The following AUTS2 variants were observed in gnomAD, a reference collection of about 807,000 sequenced individuals.
The protein encoded by AUTS2 is autism susceptibility gene 2 protein.
AUTS2 carries 17 observed loss-of-function variants against 112.4 expected under a neutral mutation model. The ratio of observed to expected loss-of-function variants is 0.15; its 90% confidence interval spans 0.10 to 0.23. The LOEUF (loss-of-function observed/expected upper bound fraction) is 0.23, where lower values mean the gene tolerates loss of function less well. AUTS2 is among the 10% of genes least tolerant of loss of function. The probability of loss-of-function intolerance (pLI) is 1.00; values close to 1 mark genes in which losing one functional copy is unlikely to be tolerated. For missense variants in AUTS2, 1,510 were observed against 1,701.6 expected (o/e 0.89, Z 1.98); for synonymous variants, 751 against 702.7 (o/e 1.07, Z -1.09).
rs147206848 is a variant in AUTS2 at position 69,787,548 on chromosome 7, T to C, written c.310-111738T>C. Among the ~76,000 whole-genome samples the C allele has an allele frequency of 2.0e-5, 3 of 152,232 alleles. No individual in the cohort carries two copies. In the East Asian group the frequency reaches 5.8e-4, roughly 29 times the overall value. On this transcript the variant is annotated intron_variant, in intron 1 of 18. Coordinates refer to ENST00000342771, the MANE Select transcript of AUTS2 (RefSeq NM_015570.4). ...TAACCTTCACTAGCATTTATTATAG[T>C]AGTTATTTTATTTTATTTTGACACA...
intron 1 of AUTS2, among the ~76,000 whole-genome samples, chr7:69,716,886 G>A (rs1161894555): frequency 6.6e-6 from 1 of 152,146 alleles, no homozygotes; most frequent in Non-Finnish European, 1.5e-5. Flanking sequence ...ATACAGATAT[G>A]AACAGCCAAA....
chr7:70,002,706 T>C (rs1799254090), intron 2 of AUTS2, among the ~76,000 whole-genome samples: 1 of 152,178 alleles, frequency 6.6e-6, no homozygotes, highest in Non-Finnish European at 1.5e-5. Flanking sequence ...AAGCTAATGG[T>C]ATTTTCAAGT....
At chr7:70,393,921 TTTC>T (rs908615881) in intron 4 of AUTS2, among the ~76,000 whole-genome samples, 1 of 152,162 alleles carries the variant, frequency 6.6e-6, no homozygotes, top group Non-Finnish European at 1.5e-5. Flanking sequence ...CATGAAGCAT[TTTC>T]TTCTTTCACC....
intron 1 of AUTS2, among the ~76,000 whole-genome samples, chr7:69,884,498 C>T (rs1183264063): frequency 6.6e-6 from 1 of 152,130 alleles, no homozygotes; most frequent in Non-Finnish European, 1.5e-5. Context: ...CTCTGGTTAC[C>T]CTGTAATCAT....
At position 70,777,241 on chromosome 7, in the gene AUTS2, GAAC is replaced by G. The variant is rs757712930; in HGVS notation, c.2004+68_2004+70del. ...ATGTGAGTGTGTGACGTGCTCGGGA[GAAC>G]CTGATGAAGGAGGCATTTAAAACAC... is the stretch of plus-strand genomic sequence containing the variant. On this transcript the variant is annotated intron_variant, in intron 14 of 18. Coordinates refer to ENST00000342771, the MANE Select transcript of AUTS2 (RefSeq NM_015570.4). 5 of 1,410,440 alleles carry G rather than the reference GAAC, an allele frequency of 3.5e-6. No individual in the cohort carries two copies. In the Admixed American group the frequency reaches 8.4e-5, roughly 24 times the overall value. 87.4% of individuals were successfully genotyped at this position (1,410,440 alleles called of 1,614,324 possible).
chr7:70,570,169 G>A (rs920835267), intron 5 of AUTS2, among the ~76,000 whole-genome samples: 1 of 152,168 alleles, frequency 6.6e-6, no homozygotes, highest in African/African-American at 2.4e-5. Flanking sequence ...AGTAGGTTAG[G>A]CAGGTCTGGC....
intron 5 of AUTS2, among the ~76,000 whole-genome samples, chr7:70,641,419 G>A (rs1432562528): frequency 6.6e-6 from 1 of 152,132 alleles, no homozygotes; most frequent in Non-Finnish European, 1.5e-5. Context: ...GGGCATGGCG[G>A]TCAGCACCTG....
chr7:70,203,860 T>C (rs1810431589), intron 4 of AUTS2, among the ~76,000 whole-genome samples: 1 of 151,810 alleles, frequency 6.6e-6, no homozygotes, highest in Admixed American at 6.6e-5. Flanking sequence ...AAGTTATTTC[T>C]GAACTAATGT....
At chr7:70,165,571 C>T (rs983144435) in intron 4 of AUTS2, among the ~76,000 whole-genome samples, 4 of 151,998 alleles carry the variant, frequency 2.6e-5, no homozygotes, top group Non-Finnish European at 5.9e-5. Flanking sequence ...TATTGCAAAA[C>T]GGAAAGTAAA....
rs770887016 is a variant in AUTS2, at chr7:69,839,105, T to TA, written c.310-60180dup. 3.9e-3 allele frequency among the ~76,000 whole-genome samples: 598 copies of TA among 152,284 alleles called. 4 individuals are homozygous for TA. Among genetic ancestry groups the TA allele is most frequent in the South Asian group, 0.011 (55 of 4,820 alleles). ...TTCGTAATCAGAATCGGGTATGTGT[T>TA]AGAAAAAGGCCTTCCTGAGTGTATG... On this transcript the variant is annotated intron_variant, in intron 1 of 18. Coordinates refer to ENST00000342771, the MANE Select transcript of AUTS2 (RefSeq NM_015570.4).
At chr7:70,654,202 A>T (rs1243552875) in intron 5 of AUTS2, among the ~76,000 whole-genome samples, 2 of 152,234 alleles carry the variant, frequency 1.3e-5, no homozygotes, top group African/African-American at 2.4e-5. Context: ...AATGAACATT[A>T]TCTGTCAATT....
At chr7:69,845,197 G>A (rs574838028) in intron 1 of AUTS2, among the ~76,000 whole-genome samples, 95 of 152,296 alleles carry the variant, frequency 6.2e-4, no homozygotes, top group South Asian at 2.7e-3. Flanking sequence ...CAAGAAGATG[G>A]GATGCCAGGA....
intron 1 of AUTS2, among the ~76,000 whole-genome samples, chr7:69,729,841 T>C (rs1015028666): frequency 6.6e-6 from 1 of 152,120 alleles, no homozygotes; most frequent in Non-Finnish European, 1.5e-5. Context: ...AAAAAGCTAC[T>C]GGATTTCTTT....
chr7:70,537,781 G>A (rs1015023653), intron 5 of AUTS2, among the ~76,000 whole-genome samples: 2 of 152,190 alleles, frequency 1.3e-5, no homozygotes, highest in African/African-American at 4.8e-5. Flanking sequence ...GGAAATGAAG[G>A]CAGGTGGGAA....
At chr7:70,155,535 G>A (rs988203047) in intron 4 of AUTS2, among the ~76,000 whole-genome samples, 9 of 151,208 alleles carry the variant, frequency 6.0e-5, no homozygotes, top group Non-Finnish European at 1.0e-4. Context: ...TGCCAGTAAA[G>A]CCTCTGCTGA....
intron 5 of AUTS2, among the ~76,000 whole-genome samples, chr7:70,676,043 A>G (rs1434493805): frequency 6.6e-6 from 1 of 152,234 alleles, no homozygotes; most frequent in East Asian, 1.9e-4. Flanking sequence ...GTTTCTTCAC[A>G]TCTCACGAAC....
At chr7:69,667,357 T>G (rs202179351) in intron 1 of AUTS2, among the ~76,000 whole-genome samples, 85,462 of 144,110 alleles carry the variant, frequency 0.59, 25,202 homozygotes, top group East Asian at 0.68. Flanking sequence ...TGTGTTTTTT[T>G]TTTTTTTTTT....
At chr7:70,690,004 T>A (rs1271923627) in intron 5 of AUTS2, among the ~76,000 whole-genome samples, 2 of 152,190 alleles carry the variant, frequency 1.3e-5, no homozygotes, top group Admixed American at 6.5e-5. Context: ...AAGTGTGTCA[T>A]CTGTAATCAT....
chr7:70,104,300 T>G (rs1410277596), intron 2 of AUTS2, among the ~76,000 whole-genome samples: 2 of 152,174 alleles, frequency 1.3e-5, no homozygotes, highest in Non-Finnish European at 2.9e-5. Context: ...GGGTCTGTTC[T>G]TAAATTGTAA....
Sources: allele counts gnomAD v4.1 joint callset (sites outside exome capture counted in the v4.1 genomes callset), GRCh38; gene constraint gnomAD v4.1.1; transcripts MANE v1.5; gene names NCBI Gene and HGNC (gene_info 2026-07-23, HGNC 2026-07-21).